KIZ: variants seen among roughly 807,000 people sequenced by gnomAD.
The protein encoded by KIZ is centrosomal protein kizuna.
A neutral mutation model predicts 79.6 loss-of-function variants in KIZ; 68 were observed. The ratio of observed to expected loss-of-function variants is 0.85; its 90% CI spans 0.70 to 1.05. The LOEUF (loss-of-function observed/expected upper bound fraction) is 1.05. Ranked by LOEUF, KIZ falls within the 50% of genes least tolerant of loss-of-function variation. The probability of loss-of-function intolerance (pLI) is 0.00; values close to 1 mark genes in which losing one functional copy is unlikely to be tolerated. For synonymous variants in KIZ, 280 were observed against 281.8 expected, an observed-to-expected ratio of 0.99 and a Z score of 0.06; for missense variants, 797 against 800.4, an observed-to-expected ratio of 1.00 and a Z score of 0.05.
Position 21,162,136 on chromosome 20 carries a change from T to C in KIZ, c.671T>C (p.Ile224Thr). Residue 224 changes from isoleucine to threonine, a missense_variant, in exon 5 of 13, where the codon ATA becomes ACA. Transcript: ENST00000619189. ...CAGTGCTTAAATAAGTCTGACAACATAGATGGAAAGGCATCTCTTCAGATT... is the reference window on the plus strand; with the variant it reads ...CAGTGCTTAAATAAGTCTGACAACACAGATGGAAAGGCATCTCTTCAGATT... ...DTQCLNKSDNIDGKASLQIGE... is the reference protein window; with the variant it reads ...DTQCLNKSDNTDGKASLQIGE... The C allele has an allele frequency of 6.2e-7, 1 of 1,611,078 alleles. No individual in the cohort carries two copies. The highest frequency in any genetic ancestry group is 1.7e-5 in the Admixed American group (1 of 59,812).
At chr20:21,235,967 T>A (rs2036991835) in intron 11 of KIZ, among the ~76,000 whole-genome samples, 1 of 152,230 alleles carries the variant, frequency 6.6e-6, no homozygotes, top group Admixed American at 6.5e-5. Flanking sequence ...GAAATAAAAA[T>A]GAGTTTTTCC....
intron 11 of KIZ, among the ~76,000 whole-genome samples, chr20:21,238,407 A>ATG (rs775291309): frequency 3.8e-4 from 57 of 149,784 alleles, no homozygotes; most frequent in Non-Finnish European, 6.5e-4. Flanking sequence ...GTGTGTGTGA[A>ATG]TGTGTGTGTG....
intron 11 of KIZ, among the ~76,000 whole-genome samples, chr20:21,235,717 G>T (rs1479892005): frequency 1.3e-5 from 2 of 152,232 alleles, no homozygotes; most frequent in East Asian, 1.9e-4. Context: ...AAAAGGAAAG[G>T]GTGTGTGCTT....
chr20:21,190,476 C>T (rs1272442040), intron 6 of KIZ, among the ~76,000 whole-genome samples: 1 of 152,160 alleles, frequency 6.6e-6, no homozygotes, highest in Non-Finnish European at 1.5e-5. Flanking sequence ...AATTTGTGTA[C>T]CTGTGGATGG....
At chr20:21,159,609 A>G (rs971380289) in intron 4 of KIZ, among the ~76,000 whole-genome samples, 7 of 152,168 alleles carry the variant, frequency 4.6e-5, no homozygotes, top group African/African-American at 1.2e-4. Flanking sequence ...TATAAATGAG[A>G]TCTTACAGTA....
intron 4 of KIZ, chr20:21,161,074 C>G (rs980120648): frequency 6.6e-6 from 1 of 152,210 alleles, no homozygotes; most frequent in African/African-American, 2.4e-5. Context: ...TTATGTTTCT[C>G]TAATGAATAA....
intron 6 of KIZ, among the ~76,000 whole-genome samples, chr20:21,179,533 T>A (rs1050707857): frequency 3.3e-5 from 5 of 151,988 alleles, no homozygotes; most frequent in African/African-American, 1.2e-4. Context: ...AAGTCTTAGT[T>A]TTATTGATTT....
At chr20:21,246,436 A>G (rs1290553589) in intron 12 of KIZ, 43 bp from the exon 13 acceptor site, 1 of 1,255,714 alleles carries the variant, frequency 8.0e-7, no homozygotes. Flanking sequence ...GCTCTTAACC[A>G]GAATGCAAAA....
intron 6 of KIZ, among the ~76,000 whole-genome samples, chr20:21,176,312 A>ATCAG (rs2034431684): frequency 2.6e-5 from 4 of 152,034 alleles, no homozygotes. Flanking sequence ...TCTGTCTCAA[A>ATCAG]TCAGTCAATC....
intron 1 of KIZ, among the ~76,000 whole-genome samples, chr20:21,127,102 G>T (rs1295734350): frequency 6.6e-6 from 1 of 152,226 alleles, no homozygotes; most frequent in Non-Finnish European, 1.5e-5. Context: ...AAAGGCAGAA[G>T]TGAGCGATTT....
At chr20:21,133,155 G>A (rs1008739453) in intron 2 of KIZ, 4 of 152,236 alleles carry the variant, frequency 2.6e-5, no homozygotes, top group Non-Finnish European at 5.9e-5. Flanking sequence ...ATCTCATCCA[G>A]AAGAGAGAGA....
Position 21,205,527 on chromosome 20 carries a change from A to G in KIZ, c.1389A>G (p.Ala463=), listed in dbSNP as rs747010975. The change falls in exon 7 of 13, where the codon GCA becomes GCG. Residue 463 remains alanine, a synonymous_variant. Coordinates refer to ENST00000619189, the MANE Select transcript of KIZ (RefSeq NM_018474.6). ...GQTPDSDVPR[A]QVGQHVATLK... ...CACCAGACTCAGACGTACCGAGGGC[A>G]CAGGTGGGTCAGCATGTTGCCACCT... 6.4e-7 allele frequency: 1 copy of G among 1,569,182 alleles called. No individual in the cohort carries two copies. Among genetic ancestry groups the G allele is most frequent in the Non-Finnish European group, 8.7e-7 (1 of 1,148,696 alleles).
At chr20:21,126,423 C>T (rs921563673) in intron 1 of KIZ, among the ~76,000 whole-genome samples, 6 of 152,146 alleles carry the variant, frequency 3.9e-5, no homozygotes, top group African/African-American at 1.4e-4. Context: ...ACCGCCCCCG[C>T]CCCGTCAATA....
At chr20:21,150,556 C>G (rs2033069090) in intron 4 of KIZ, among the ~76,000 whole-genome samples, 1 of 152,192 alleles carries the variant, frequency 6.6e-6, no homozygotes, top group African/African-American at 2.4e-5. Context: ...AAAAAGTAGC[C>G]TCTCTGTGTT....
At chr20:21,178,415 T>G (rs996410443) in intron 6 of KIZ, among the ~76,000 whole-genome samples, 1 of 151,542 alleles carries the variant, frequency 6.6e-6, no homozygotes, top group Non-Finnish European at 1.5e-5. Context: ...CTGATTTTTG[T>G]ATGTTGATTT....
intron 4 of KIZ, 126 bp from the exon 5 acceptor site, chr20:21,161,745 C>A: frequency 1.6e-6 from 1 of 623,268 alleles, no homozygotes; most frequent in South Asian, 2.2e-5. Flanking sequence ...TTTAATAATA[C>A]ATGGTAGGTG....
At chr20:21,160,936 C>A in intron 4 of KIZ, 1 of 153,984 alleles carries the variant, frequency 6.5e-6, no homozygotes, top group South Asian at 2.0e-4. Flanking sequence ...CTTGGACTTC[C>A]CAGCCTCCAG....
At chr20:21,222,120 C>G (rs1297074715) in intron 9 of KIZ, among the ~76,000 whole-genome samples, 1 of 152,196 alleles carries the variant, frequency 6.6e-6, no homozygotes, top group East Asian at 1.9e-4. Flanking sequence ...CTGCTACTTG[C>G]GGTAGCAAAA....
chr20:21,225,032 A>G (rs2123395169), intron 9 of KIZ, among the ~76,000 whole-genome samples: 1 of 152,346 alleles, frequency 6.6e-6, no homozygotes, highest in East Asian at 1.9e-4. Context: ...CTTTGCAGAA[A>G]GATAGATGAT....
Sources: allele counts gnomAD v4.1 joint callset (sites outside exome capture counted in the v4.1 genomes callset), GRCh38; gene constraint gnomAD v4.1.1; transcripts MANE v1.5; gene names NCBI Gene and HGNC (gene_info 2026-07-23, HGNC 2026-07-21).